Variants in KCNIP4 observed in about 807,000 individuals in gnomAD.
The protein encoded by KCNIP4 is Kv channel-interacting protein 4.
A neutral mutation model predicts 34.0 loss-of-function variants in KCNIP4; 12 were observed. The observed-to-expected ratio is 0.35, with a 90% CI of 0.23 to 0.57. KCNIP4 has a LOEUF of 0.57. Ranked by LOEUF, KCNIP4 falls within the 20% of genes least tolerant of loss-of-function variation. KCNIP4 has a pLI of 0.83. For missense variants in KCNIP4, 238 were observed against 311.7 expected (o/e 0.76, Z 1.78); for synonymous variants, 124 against 102.2 (o/e 1.21, Z -1.29).
chr4:21,110,901 C>T (rs1460773595), intron 1 of KCNIP4, among the ~76,000 whole-genome samples: 1 of 152,182 alleles, frequency 6.6e-6, no homozygotes, highest in Non-Finnish European at 1.5e-5. Context: ...ATAAGCCACT[C>T]AGTCTATGCC....
intron 3 of KCNIP4, among the ~76,000 whole-genome samples, chr4:20,765,884 C>T (rs1309059301): frequency 2.0e-5 from 3 of 152,142 alleles, no homozygotes; most frequent in African/African-American, 7.2e-5. Flanking sequence ...TCCTCTCAGG[C>T]CATGTGGGGA....
chr4:21,821,515 T>C (rs1215831624), intron 1 of KCNIP4, among the ~76,000 whole-genome samples: 5 of 152,170 alleles, frequency 3.3e-5, no homozygotes, highest in Non-Finnish European at 7.4e-5. Context: ...AAATTTTAAA[T>C]AGTGGCTGAA....
Position 21,278,390 on chromosome 4 carries a change from C to A in KCNIP4, c.62-395681G>T, listed in dbSNP as rs1762567822. ...CCAGTAGGCCCCAGTGTCTATTGTT[C>A]CCCTCTCTGTGTCCATGAGTTCTCA... On this transcript the variant is annotated intron_variant, in intron 1 of 8. Coordinates refer to ENST00000382152, the MANE Select transcript of KCNIP4 (RefSeq NM_025221.6). Among the ~76,000 whole-genome samples the A allele has an allele frequency of 3.3e-5, 5 of 152,176 alleles. 1 individual carries two copies. The South Asian group carries it at 1.0e-3, about 32-fold the overall frequency.
At chr4:21,525,641 T>G (rs1367848680) in intron 1 of KCNIP4, among the ~76,000 whole-genome samples, 1 of 152,160 alleles carries the variant, frequency 6.6e-6, no homozygotes, top group Non-Finnish European at 1.5e-5. Context: ...AGTGCTCATG[T>G]TATCACTAGG....
At chr4:20,909,653 T>G (rs1181955839) in intron 1 of KCNIP4, among the ~76,000 whole-genome samples, 1 of 152,148 alleles carries the variant, frequency 6.6e-6, no homozygotes, top group Non-Finnish European at 1.5e-5. Flanking sequence ...CCAACCTTAT[T>G]TTTTTATGCC....
intron 1 of KCNIP4, among the ~76,000 whole-genome samples, chr4:20,913,783 G>A (rs1323650582): frequency 6.6e-6 from 1 of 152,170 alleles, no homozygotes; most frequent in Non-Finnish European, 1.5e-5. Flanking sequence ...TTCCTCATCT[G>A]TAAATGGGAT....
chr4:21,287,744 T>C (rs1443471497), intron 1 of KCNIP4, among the ~76,000 whole-genome samples: 1 of 152,190 alleles, frequency 6.6e-6, no homozygotes, highest in East Asian at 1.9e-4. Flanking sequence ...TTCTGAAACC[T>C]ACATAAAGAC....
chr4:21,181,021 T>A (rs1754799333), intron 1 of KCNIP4, among the ~76,000 whole-genome samples: 2 of 152,166 alleles, frequency 1.3e-5, no homozygotes, highest in African/African-American at 4.8e-5. Flanking sequence ...AACTTTAGTA[T>A]ATGTTAGGTT....
intron 1 of KCNIP4, among the ~76,000 whole-genome samples, chr4:21,345,679 C>T (rs1180057599): frequency 1.3e-5 from 2 of 152,098 alleles, no homozygotes; most frequent in Admixed American, 1.3e-4. Flanking sequence ...CAAAAGCTGG[C>T]CTCCTCACCA....
chr4:21,017,909 T>C (rs969231242), intron 1 of KCNIP4, among the ~76,000 whole-genome samples: 1 of 152,192 alleles, frequency 6.6e-6, no homozygotes, highest in African/African-American at 2.4e-5. Context: ...TGGTATCTCA[T>C]TGTGGTTTTG....
chr4:20,925,776 G>A (rs566337558), intron 1 of KCNIP4, among the ~76,000 whole-genome samples: 14 of 152,120 alleles, frequency 9.2e-5, no homozygotes, highest in East Asian at 3.9e-4. Context: ...TTATTATTAC[G>A]TGGCAGGAGG....
chr4:20,759,983 G>C (rs1754814689), intron 3 of KCNIP4, among the ~76,000 whole-genome samples: 1 of 152,280 alleles, frequency 6.6e-6, no homozygotes, highest in East Asian at 1.9e-4. Context: ...AAGAGAAGTT[G>C]GTCCTTCCTA....
At chr4:20,814,808 C>T (rs1185782213) in intron 3 of KCNIP4, among the ~76,000 whole-genome samples, 1 of 152,086 alleles carries the variant, frequency 6.6e-6, no homozygotes, top group African/African-American at 2.4e-5. Context: ...TATAGGACGA[C>T]CTGGAGAAAT....
At position 21,667,534 on chromosome 4, in the gene KCNIP4, A is replaced by C. The variant is rs542369190; in HGVS notation, c.61+281037T>G. Among the ~76,000 whole-genome samples, 41 of 152,282 alleles carry C rather than the reference A, an allele frequency of 2.7e-4. No individual in the cohort carries two copies. In the South Asian group the frequency reaches 4.3e-3, roughly 16 times the overall value. ...TATGCATCAGGTGCTGTGAGATTCC[A>C]CTCAAACAGTTTGTCCAGACATGAT... On this transcript the variant is annotated intron_variant, in intron 1 of 8. Coordinates refer to ENST00000382152, the MANE Select transcript of KCNIP4 (RefSeq NM_025221.6).
intron 3 of KCNIP4, among the ~76,000 whole-genome samples, chr4:20,785,511 C>A (rs1328295734): frequency 6.6e-6 from 1 of 151,962 alleles, no homozygotes; most frequent in Non-Finnish European, 1.5e-5. Flanking sequence ...GTGTGCTGAT[C>A]CACCTAGCAA....
intron 1 of KCNIP4, among the ~76,000 whole-genome samples, chr4:21,318,216 A>G (rs945511005): frequency 1.3e-5 from 2 of 152,230 alleles, no homozygotes; most frequent in African/African-American, 4.8e-5. Flanking sequence ...CAAGTAACTT[A>G]GCTATTCTCA....
chr4:21,752,054 A>G (rs577863798), intron 1 of KCNIP4, among the ~76,000 whole-genome samples: 2 of 152,284 alleles, frequency 1.3e-5, no homozygotes, highest in East Asian at 3.9e-4. Context: ...CTGCTCTCTC[A>G]TATGAGATTC....
chr4:21,189,012 C>T (rs567164303), intron 1 of KCNIP4, among the ~76,000 whole-genome samples: 2 of 152,262 alleles, frequency 1.3e-5, no homozygotes, highest in South Asian at 4.1e-4. Flanking sequence ...TCTTTGCATA[C>T]TTGGGCAAAA....
chr4:21,695,916 T>C (rs150697757), intron 1 of KCNIP4, among the ~76,000 whole-genome samples: 1 of 152,086 alleles, frequency 6.6e-6, no homozygotes, highest in African/African-American at 2.4e-5. Flanking sequence ...ACTTGAATGT[T>C]TAAAGCTAAT....
Sources: gnomAD v4.1 joint callset for allele counts (sites outside exome capture counted in the v4.1 genomes callset) on GRCh38, gnomAD v4.1.1 for gene constraint, MANE v1.5 for transcripts, NCBI Gene and HGNC (gene_info 2026-07-23, HGNC 2026-07-21) for gene names.